SOX6: variants seen among roughly 807,000 people sequenced by gnomAD.
SOX6 encodes SRY-box transcription factor 6, also known as transcription factor SOX-6.
In SOX6, 11 loss-of-function variants were observed where a neutral mutation model predicts 97.8. That is an observed-to-expected ratio of 0.11 (90% CI 0.07 to 0.19). SOX6 has a LOEUF of 0.19. Ranked by LOEUF, SOX6 falls within the 10% of genes least tolerant of loss-of-function variation. SOX6 has a pLI of 1.00. For synonymous variants in SOX6, 360 were observed against 371.4 expected (o/e 0.97, Z 0.35); for missense variants, 810 against 1,039.5 (o/e 0.78, Z 3.04).
chr11:16,395,551 T>C (rs1858329917), intron 1 of SOX6, among the ~76,000 whole-genome samples: 1 of 151,750 alleles, frequency 6.6e-6, no homozygotes, highest in African/African-American at 2.4e-5. Flanking sequence ...TCAGAAAGAA[T>C]GATTTGGGAG....
At chr11:16,038,596 G>T (rs186973512) in intron 12 of SOX6, among the ~76,000 whole-genome samples, 2 of 152,134 alleles carry the variant, frequency 1.3e-5, no homozygotes, top group Non-Finnish European at 2.9e-5. Context: ...TATTTTTATA[G>T]ATTGGGAAAC....
At chr11:16,042,527 T>C (rs1855698780) in intron 12 of SOX6, among the ~76,000 whole-genome samples, 2 of 152,182 alleles carry the variant, frequency 1.3e-5, no homozygotes, top group Non-Finnish European at 2.9e-5. Context: ...AATAAATGAA[T>C]CTGGTATTGT....
chr11:16,279,174 A>G (rs1172435098), intron 3 of SOX6, among the ~76,000 whole-genome samples: 1 of 152,126 alleles, frequency 6.6e-6, no homozygotes, highest in Non-Finnish European at 1.5e-5. Flanking sequence ...CACTATTGAA[A>G]TACAACAGTG....
intron 4 of SOX6, among the ~76,000 whole-genome samples, chr11:16,602,529 G>C (rs899527778): frequency 6.6e-6 from 1 of 151,958 alleles, no homozygotes; most frequent in African/African-American, 2.4e-5. Context: ...CATGTCATTT[G>C]GCCTACTGCC....
chr11:16,349,488 C>T (rs891673710), intron 1 of SOX6, among the ~76,000 whole-genome samples: 5 of 151,860 alleles, frequency 3.3e-5, no homozygotes, highest in South Asian at 4.2e-4. Flanking sequence ...TGGCGGTGCG[C>T]GCCTGTAATC....
intron 4 of SOX6, among the ~76,000 whole-genome samples, chr11:16,532,744 G>A (rs902268213): frequency 6.6e-6 from 1 of 151,810 alleles, no homozygotes; most frequent in African/African-American, 2.4e-5. Context: ...TAATGGCAAG[G>A]TTCAAAAATA....
chr11:16,474,110 C>A (rs547198967), intron 1 of SOX6, among the ~76,000 whole-genome samples: 120 of 152,294 alleles, frequency 7.9e-4, no homozygotes, highest in African/African-American at 2.8e-3. Context: ...CATGAGACTG[C>A]AGCAATTCAG....
intron 4 of SOX6, among the ~76,000 whole-genome samples, chr11:16,203,541 A>G (rs1851994497): frequency 6.6e-6 from 1 of 152,174 alleles, no homozygotes; most frequent in Non-Finnish European, 1.5e-5. Flanking sequence ...AACATCAGAC[A>G]TGGTTATATC....
intron 3 of SOX6, among the ~76,000 whole-genome samples, chr11:16,687,081 T>A (rs1188540481): frequency 2.0e-5 from 3 of 152,118 alleles, no homozygotes; most frequent in South Asian, 2.1e-4. Context: ...GCCAAGATCA[T>A]GCTGATGCAC....
intron 1 of SOX6, among the ~76,000 whole-genome samples, chr11:16,380,074 A>G (rs868374304): frequency 9.9e-5 from 15 of 151,930 alleles, no homozygotes; most frequent in South Asian, 2.1e-4. Context: ...AATCTTCAAT[A>G]CAAAAAGTGT....
At chr11:16,131,635 A>ATAGTACT (rs141661867) in intron 6 of SOX6, among the ~76,000 whole-genome samples, 8,342 of 152,026 alleles carry the variant, frequency 0.055, 590 homozygotes, top group East Asian at 0.36. Context: ...TAGACTTGCA[A>ATAGTACT]TAGTACTCCT....
At chr11:16,735,396 CTCAGCCAAAATGAACTGT>C (rs1200340307) in intron 2 of SOX6, among the ~76,000 whole-genome samples, 10 of 152,116 alleles carry the variant, frequency 6.6e-5, no homozygotes, top group Non-Finnish European at 1.5e-4. Flanking sequence ...TCCAATTTCC[CTCAGCCAAAATGAACTGT>C]TCTACAGCAT....
chr11:16,641,940 C>G (rs1272300299), intron 3 of SOX6, among the ~76,000 whole-genome samples: 3 of 152,146 alleles, frequency 2.0e-5, no homozygotes, highest in Non-Finnish European at 4.4e-5. Flanking sequence ...TGAATTTGTT[C>G]CTGACATTAT....
At chr11:16,286,533 A>G (rs1316083834) in intron 3 of SOX6, among the ~76,000 whole-genome samples, 1 of 152,134 alleles carries the variant, frequency 6.6e-6, no homozygotes, top group African/African-American at 2.4e-5. Flanking sequence ...ATACTTCAAT[A>G]TAACTAAGAT....
chr11:16,427,675 C>A (rs551553692), intron 1 of SOX6, among the ~76,000 whole-genome samples: 1 of 152,286 alleles, frequency 6.6e-6, no homozygotes, highest in South Asian at 2.1e-4. Context: ...TTTTTTATGG[C>A]TGCATAGTAT....
intron 6 of SOX6, among the ~76,000 whole-genome samples, chr11:16,183,604 A>G (rs1851397514): frequency 6.6e-6 from 1 of 152,062 alleles, no homozygotes; most frequent in Non-Finnish European, 1.5e-5. Context: ...TCTGTATGCT[A>G]CCTGGGAGAC....
Position 16,095,300 on chromosome 11 carries a change from G to A in SOX6, c.1101+696C>T, listed in dbSNP as rs147335523. Among the ~76,000 whole-genome samples, 421 of 151,760 alleles carry A rather than the reference G, an allele frequency of 2.8e-3. 3 individuals carry two copies. Among genetic ancestry groups the A allele is most frequent in the African/African-American group, 8.3e-3 (342 of 41,452 alleles). On this transcript the variant is annotated intron_variant, in intron 9 of 15. Transcript: ENST00000683767. ...CATGAAATTGGAGAGAGAAGGACTGGGTTCTTATAGAAGAAAAGGTCTTGG... is the reference window on the plus strand; with the variant it reads ...CATGAAATTGGAGAGAGAAGGACTGAGTTCTTATAGAAGAAAAGGTCTTGG...
At position 16,133,305 on chromosome 11, in the gene SOX6, T is replaced by A. The variant is rs548013006; in HGVS notation, c.778-21382A>T. Among the ~76,000 whole-genome samples, 11 of 152,264 alleles carry A rather than the reference T, an allele frequency of 7.2e-5. No individual in the cohort carries two copies. The South Asian group carries it at 2.3e-3, about 32-fold the overall frequency. On this transcript the variant is annotated intron_variant, in intron 6 of 15. Coordinates refer to ENST00000683767, the MANE Select transcript of SOX6 (RefSeq NM_001367873.1). ...ATTCATTATGCCCTGAAGGAAAGGG[T>A]GGCCCTACCCCACTGCTACAGTTGC...
chr11:16,199,972 T>G (rs1184489660), intron 4 of SOX6, among the ~76,000 whole-genome samples: 1 of 152,144 alleles, frequency 6.6e-6, no homozygotes, highest in Non-Finnish European at 1.5e-5. Context: ...ATCACCTTCT[T>G]CCAGTAAAAT....
Sources: gnomAD v4.1 joint callset for allele counts (sites outside exome capture counted in the v4.1 genomes callset) on GRCh38, gnomAD v4.1.1 for gene constraint, MANE v1.5 for transcripts, NCBI Gene and HGNC (gene_info 2026-07-23, HGNC 2026-07-21) for gene names.